The following KCMF1 variants were observed in gnomAD, a reference collection of about 807,000 sequenced individuals.
KCMF1 encodes the protein E3 ubiquitin-protein ligase KCMF1.
KCMF1 carries 3 observed loss-of-function variants against 41.1 expected under a neutral mutation model. The observed-to-expected ratio is 0.07, with a 90% CI of 0.03 to 0.19. The LOEUF is 0.19. Among genes scored for constraint, KCMF1 ranks in the 10% least tolerant of loss-of-function variants. KCMF1 has a pLI of 1.00. For missense variants in KCMF1, 286 were observed against 488.9 expected, an observed-to-expected ratio of 0.58 and a Z score of 3.91; for synonymous variants, 142 against 164.5, an observed-to-expected ratio of 0.86 and a Z score of 1.04.
At chr2:85,051,004 T>G (rs897747770) in intron 6 of KCMF1, among the ~76,000 whole-genome samples, 46 of 152,342 alleles carry the variant, frequency 3.0e-4, no homozygotes, top group Admixed American at 2.6e-4. Context: ...TTTAGAGAGA[T>G]AATTATTTTG....
chr2:85,006,619 TTA>T (rs1299133365), intron 1 of KCMF1, among the ~76,000 whole-genome samples: 1 of 152,070 alleles, frequency 6.6e-6, no homozygotes, highest in Non-Finnish European at 1.5e-5. Flanking sequence ...TTTAAGAAGT[TTA>T]TGTCTTTTTA....
intron 2 of KCMF1, among the ~76,000 whole-genome samples, chr2:85,034,019 C>CA (rs543294824): frequency 0.13 from 16,118 of 128,550 alleles, 1,035 homozygotes; most frequent in East Asian, 0.29. Flanking sequence ...CCCATCTTTC[C>CA]AAAAAAAAAA....
intron 2 of KCMF1, among the ~76,000 whole-genome samples, chr2:85,031,025 C>T (rs1675253764): frequency 6.6e-6 from 1 of 152,216 alleles, no homozygotes; most frequent in African/African-American, 2.4e-5. Context: ...GCCAGTACTA[C>T]ACTGTCTTGA....
At chr2:84,982,706 C>G (rs1673797467) in intron 1 of KCMF1, among the ~76,000 whole-genome samples, 1 of 152,196 alleles carries the variant, frequency 6.6e-6, no homozygotes. Context: ...CCCTTCTTTT[C>G]TATGATATTG....
intron 1 of KCMF1, among the ~76,000 whole-genome samples, chr2:85,008,298 A>ATATATAATATGATATATATATC (rs1558573393): frequency 2.6e-5 from 2 of 77,936 alleles, no homozygotes; most frequent in Admixed American, 1.4e-4. Flanking sequence ...TAATATATAT[A>ATATATAATATGATATATATATC]ATATATAATA....
intron 1 of KCMF1, among the ~76,000 whole-genome samples, chr2:85,020,195 C>T (rs901513775): frequency 6.6e-6 from 1 of 152,148 alleles, no homozygotes; most frequent in African/African-American, 2.4e-5. Context: ...CAGTAGGCAT[C>T]CCCACCTCAG....
intron 1 of KCMF1, among the ~76,000 whole-genome samples, chr2:85,023,285 A>G (rs28441000): frequency 1.3e-4 from 19 of 142,828 alleles, no homozygotes; most frequent in African/African-American, 4.9e-4. Context: ...TTCTGTGCAT[A>G]TTGAACTGTT....
intron 1 of KCMF1, among the ~76,000 whole-genome samples, chr2:85,017,130 T>C (rs1674791647): frequency 6.7e-6 from 1 of 150,070 alleles, no homozygotes; most frequent in South Asian, 2.1e-4. Flanking sequence ...GTTCACGCCA[T>C]TCTCCTGCCT....
chr2:84,974,695 T>A (rs867788658), intron 1 of KCMF1, among the ~76,000 whole-genome samples: 175 of 44,422 alleles, frequency 3.9e-3, no homozygotes, highest in East Asian at 5.0e-3. Context: ...ATATATATTT[T>A]TTTTTTTTTT....
At chr2:85,016,905 G>T (rs888814392) in intron 1 of KCMF1, among the ~76,000 whole-genome samples, 3 of 151,688 alleles carry the variant, frequency 2.0e-5, no homozygotes, top group Admixed American at 1.3e-4. Flanking sequence ...GGCCAGGCTG[G>T]TCTCGAACCC....
At chr2:84,984,638 T>C (rs914338233) in intron 1 of KCMF1, among the ~76,000 whole-genome samples, 3 of 151,886 alleles carry the variant, frequency 2.0e-5, no homozygotes, top group African/African-American at 7.3e-5. Context: ...CTGACCAACA[T>C]GAAGAAACCC....
In KCMF1 at chr2:84,998,971, TGTC is replaced by T. The variant is rs1227090504; in HGVS notation, c.16+27505_16+27507del. Among the ~76,000 whole-genome samples the T allele has an allele frequency of 4.1e-3, 605 of 146,172 alleles. 8 individuals carry two copies. Among genetic ancestry groups the T allele is most frequent in the African/African-American group, 0.015 (571 of 38,914 alleles). On this transcript the variant is annotated intron_variant, in intron 1 of 6. Coordinates refer to ENST00000409785, the MANE Select transcript of KCMF1 (RefSeq NM_020122.5). The stretch of plus-strand genomic sequence containing the variant: ...CTATCTATCTATCTATCTATCTGTC[TGTC>T]TGTCTATCTACCTACCTATCTGTCC...
intron 1 of KCMF1, among the ~76,000 whole-genome samples, chr2:85,024,555 AGAGAGAG>A (rs1675038630): frequency 9.4e-6 from 1 of 106,582 alleles, no homozygotes; most frequent in Non-Finnish European, 1.9e-5. Flanking sequence ...TTGGAGAGTG[AGAGAGAG>A]AGAGAGAGAG....
At chr2:85,005,520 C>T (rs1674447494) in intron 1 of KCMF1, among the ~76,000 whole-genome samples, 1 of 151,756 alleles carries the variant, frequency 6.6e-6, no homozygotes, top group Non-Finnish European at 1.5e-5. Context: ...GAACTCCTGA[C>T]CTCAGATGAT....
chr2:85,035,311 A>C (rs1474800324), intron 3 of KCMF1, among the ~76,000 whole-genome samples, 156 bp downstream of exon 3: 1 of 152,212 alleles, frequency 6.6e-6, no homozygotes, highest in Non-Finnish European at 1.5e-5. Flanking sequence ...AATTTTATAC[A>C]TCATGGGAGG....
intron 1 of KCMF1, among the ~76,000 whole-genome samples, chr2:84,986,405 C>T (rs1245559606): frequency 2.0e-5 from 3 of 151,976 alleles, no homozygotes; most frequent in Non-Finnish European, 2.9e-5. Context: ...GAAGAAGTAT[C>T]GTATTTTTAT....
chr2:85,019,577 AT>A (rs940749056), intron 1 of KCMF1, among the ~76,000 whole-genome samples: 2 of 152,134 alleles, frequency 1.3e-5, no homozygotes, highest in African/African-American at 4.8e-5. Flanking sequence ...GTTATAAAAC[AT>A]TTTTACTTCC....
chr2:84,980,285 G>A (rs181757388), intron 1 of KCMF1, among the ~76,000 whole-genome samples: 266 of 152,314 alleles, frequency 1.7e-3, no homozygotes, highest in African/African-American at 6.0e-3. Context: ...AGGACCAGTG[G>A]CCAGGTGGGT....
chr2:85,007,007 A>C (rs1389215483), intron 1 of KCMF1, among the ~76,000 whole-genome samples: 5 of 150,508 alleles, frequency 3.3e-5, no homozygotes, highest in Non-Finnish European at 7.4e-5. Context: ...AGGCTGAGGC[A>C]GGAGAATCGC....
Sources: allele counts gnomAD v4.1 joint callset (sites outside exome capture counted in the v4.1 genomes callset), GRCh38; gene constraint gnomAD v4.1.1; transcripts MANE v1.5; gene names NCBI Gene and HGNC (gene_info 2026-07-23, HGNC 2026-07-21).